PPP6R3: variants seen among roughly 807,000 people sequenced by gnomAD.
PPP6R3 encodes serine/threonine-protein phosphatase 6 regulatory subunit 3.
A neutral mutation model predicts 110.7 loss-of-function variants in PPP6R3; 38 were observed. The ratio of observed to expected loss-of-function variants is 0.34; its 90% CI spans 0.26 to 0.45. The LOEUF (loss-of-function observed/expected upper bound fraction) is 0.45. Ranked by LOEUF, PPP6R3 falls within the 20% of genes least tolerant of loss-of-function variation. The pLI, the probability that PPP6R3 is intolerant of heterozygous loss-of-function variation, is 1.00. For missense variants in PPP6R3, 870 were observed against 1,062.4 expected, an observed-to-expected ratio of 0.82 and a Z score of 2.52; for synonymous variants, 369 against 373.5, an observed-to-expected ratio of 0.99 and a Z score of 0.14.
intron 1 of PPP6R3, among the ~76,000 whole-genome samples, chr11:68,465,916 T>C (rs982163281): frequency 6.6e-6 from 1 of 152,234 alleles, no homozygotes; most frequent in Non-Finnish European, 1.5e-5. Flanking sequence ...TCGACTTGCC[T>C]CCTTAGTTTG....
chr11:68,472,161 T>TA (rs1246885958), intron 1 of PPP6R3, among the ~76,000 whole-genome samples: 2 of 152,222 alleles, frequency 1.3e-5, no homozygotes, highest in East Asian at 3.9e-4. Context: ...GTGGTTTCCC[T>TA]AATCAGAAAT....
At chr11:68,612,620 C>CT (rs1376121761) in intron 23 of PPP6R3, among the ~76,000 whole-genome samples, 3 of 149,050 alleles carry the variant, frequency 2.0e-5, no homozygotes, top group African/African-American at 7.4e-5. Flanking sequence ...CTTTCCTTTC[C>CT]TTTTTTCCCC....
intron 1 of PPP6R3, among the ~76,000 whole-genome samples, chr11:68,497,473 C>T (rs1320129751): frequency 6.6e-6 from 1 of 152,126 alleles, no homozygotes; most frequent in African/African-American, 2.4e-5. Flanking sequence ...CCACCTCAGC[C>T]TCCTGAGTAG....
intron 4 of PPP6R3, 34 bp downstream of exon 4, chr11:68,545,058 G>GC: frequency 6.6e-7 from 1 of 1,511,062 alleles, no homozygotes; most frequent in Non-Finnish European, 9.1e-7. Flanking sequence ...AAGTATTAGG[G>GC]CTGATCATCC....
Position 68,554,201 on chromosome 11 carries a change from G to A in PPP6R3, c.675G>A (p.Gln225=). 6.2e-7 allele frequency: 1 copy of A among 1,613,892 alleles called. No individual in the cohort carries two copies. The highest frequency in any genetic ancestry group is 8.5e-7 in the Non-Finnish European group (1 of 1,179,924). The part of the protein sequence containing the change: ...LCEIVRLSRD[Q]MLQIQNSTEP... ...AAATTGTTCGCCTGAGCAGAGACCAGATGTTACAAATTCAGAACAGTACAG... is the reference window on the plus strand; with the variant it reads ...AAATTGTTCGCCTGAGCAGAGACCAAATGTTACAAATTCAGAACAGTACAG... Residue 225 remains glutamine (Q), a synonymous_variant, in exon 7 of 24, where the codon CAG becomes CAA. Coordinates refer to ENST00000393800, the MANE Select transcript of PPP6R3 (RefSeq NM_001164161.2).
intron 16 of PPP6R3, among the ~76,000 whole-genome samples, chr11:68,589,177 C>T (rs2099588055): frequency 6.6e-6 from 1 of 151,912 alleles, no homozygotes; most frequent in Admixed American, 6.6e-5. Context: ...CCACTGCACT[C>T]CACCCTGGGC....
At chr11:68,491,683 C>G (rs1013851306) in intron 1 of PPP6R3, among the ~76,000 whole-genome samples, 5 of 152,056 alleles carry the variant, frequency 3.3e-5, no homozygotes, top group African/African-American at 1.2e-4. Flanking sequence ...CGTTCAGTGG[C>G]ATTAAATACA....
chr11:68,613,188 T>C lies in PPP6R3; in HGVS notation c.*71T>C. 1.3e-6 allele frequency: 2 copies of C among 1,597,346 alleles called. No individual in the cohort carries two copies. The highest frequency in any genetic ancestry group is 1.1e-5 in the South Asian group (1 of 89,022). Reference sequence around the variant, plus strand: ...ACTCAGGGGCTCTGGAGGGGTCAGCTGGAGCCCACCAAGCTGTCACTGCTG... The same window carrying C: ...ACTCAGGGGCTCTGGAGGGGTCAGCCGGAGCCCACCAAGCTGTCACTGCTG... On this transcript the variant is annotated 3_prime_UTR_variant, in exon 24 of 24. Transcript: ENST00000393800.
At chr11:68,556,841 G>T (rs2153716465) in intron 7 of PPP6R3, among the ~76,000 whole-genome samples, 1 of 152,334 alleles carries the variant, frequency 6.6e-6, no homozygotes, top group East Asian at 1.9e-4. Context: ...AGATGGCGTA[G>T]CTATTGTGGT....
chr11:68,533,912 T>C (rs2099255435), intron 2 of PPP6R3, among the ~76,000 whole-genome samples: 1 of 152,144 alleles, frequency 6.6e-6, no homozygotes, highest in Non-Finnish European at 1.5e-5. Flanking sequence ...TGCTTCTGGC[T>C]CACTGGAACA....
chr11:68,611,902 G>A (rs752801277), intron 23 of PPP6R3, among the ~76,000 whole-genome samples: 9 of 152,184 alleles, frequency 5.9e-5, no homozygotes, highest in Non-Finnish European at 7.4e-5. Context: ...ATTGGCAGGC[G>A]CGCTGTTTCC....
At chr11:68,548,826 C>G (rs1036164182) in intron 5 of PPP6R3, among the ~76,000 whole-genome samples, 2 of 152,106 alleles carry the variant, frequency 1.3e-5, no homozygotes, top group Admixed American at 1.3e-4. Context: ...GTGTGAGTAA[C>G]TTGAAAATAA....
At chr11:68,554,080 A>C in intron 6 of PPP6R3, 65 bp from the exon 7 acceptor site, 1 of 1,246,256 alleles carries the variant, frequency 8.0e-7, no homozygotes, top group Non-Finnish European at 1.1e-6. Flanking sequence ...TTTCCCTTTC[A>C]TTTTTAAATT....
rs1409985081 is a variant in PPP6R3, at chr11:68,588,044, T to C, written c.1730+20T>C. Reference sequence around the variant, plus strand: ...TGGCAAGTGAGTATGTTTTTCTGTTTCCGCTGTTGCTCTTGCACACCCTTG... The same window carrying C: ...TGGCAAGTGAGTATGTTTTTCTGTTCCCGCTGTTGCTCTTGCACACCCTTG... On this transcript the variant is annotated intron_variant, in intron 16 of 23. Coordinates refer to ENST00000393800, the MANE Select transcript of PPP6R3 (RefSeq NM_001164161.2). The C allele has an allele frequency of 3.1e-6, 5 of 1,594,026 alleles. No homozygotes were observed. In the Admixed American group the frequency reaches 6.7e-5, roughly 21 times the overall value.
chr11:68,514,851 C>A (rs1185972481), intron 1 of PPP6R3, among the ~76,000 whole-genome samples: 1 of 152,252 alleles, frequency 6.6e-6, no homozygotes, highest in East Asian at 1.9e-4. Context: ...TCCCAAAGTG[C>A]TGGGATTACA....
At chr11:68,563,928 A>G (rs1028926128) in intron 8 of PPP6R3, among the ~76,000 whole-genome samples, 1 of 152,230 alleles carries the variant, frequency 6.6e-6, no homozygotes, top group African/African-American at 2.4e-5. Flanking sequence ...CTGTTCATTA[A>G]TAACACCCCA....
chr11:68,546,271 G>A (rs995322821), intron 4 of PPP6R3, among the ~76,000 whole-genome samples: 1 of 152,146 alleles, frequency 6.6e-6, no homozygotes, highest in African/African-American at 2.4e-5. Context: ...TTAGGAGAGT[G>A]GAAGCCATCC....
At chr11:68,494,198 C>G (rs920796928) in intron 1 of PPP6R3, among the ~76,000 whole-genome samples, 4 of 151,090 alleles carry the variant, frequency 2.6e-5, no homozygotes, top group Non-Finnish European at 4.4e-5. Context: ...ACATCATTTA[C>G]CCTGATGTGA....
chr11:68,609,637 A>G (rs963594013), intron 22 of PPP6R3: 2 of 1,553,044 alleles, frequency 1.3e-6, no homozygotes, highest in African/African-American at 1.4e-5. Flanking sequence ...CGGTATGTAC[A>G]GTGTTATGGG....
Sources: gnomAD v4.1 joint callset for allele counts (sites outside exome capture counted in the v4.1 genomes callset) on GRCh38, gnomAD v4.1.1 for gene constraint, MANE v1.5 for transcripts, NCBI Gene and HGNC (gene_info 2026-07-23, HGNC 2026-07-21) for gene names.